PSMG2: variants seen among roughly 807,000 people sequenced by gnomAD.
PSMG2 encodes proteasome assembly chaperone 2.
Under a neutral mutation model 31.5 loss-of-function variants are expected in PSMG2, and 21 were observed. That is an observed-to-expected ratio of 0.67 (90% confidence interval 0.47 to 0.96). PSMG2 has a LOEUF of 0.96. Among genes scored for constraint, PSMG2 ranks in the 40% least tolerant of loss-of-function variants. The probability of loss-of-function intolerance (pLI) is 0.00; values close to 1 mark genes in which losing one functional copy is unlikely to be tolerated. For synonymous variants in PSMG2, 120 were observed against 110.4 expected, an observed-to-expected ratio of 1.09 and a Z score of -0.54; for missense variants, 318 against 321.2, an observed-to-expected ratio of 0.99 and a Z score of 0.08.
intron 2 of PSMG2, among the ~76,000 whole-genome samples, 167 bp from the exon 3 acceptor site, chr18:12,712,535 A>G (rs1350001220): frequency 6.6e-6 from 1 of 152,240 alleles, no homozygotes; most frequent in Non-Finnish European, 1.5e-5. Flanking sequence ...ATTTTAAGGT[A>G]CTTCTAAAAG....
At chr18:12,697,712 A>G (rs2542172) in intron 1 of PSMG2, among the ~76,000 whole-genome samples, 24,665 of 152,154 alleles carry the variant, frequency 0.16, 2,091 homozygotes, top group Admixed American at 0.24. Context: ...TGCTACTACA[A>G]TAAAAAGCCT....
chr18:12,691,563 T>C, intron 1 of PSMG2: 2 of 1,062,446 alleles, frequency 1.9e-6, no homozygotes, highest in Non-Finnish European at 2.7e-6. Flanking sequence ...CAAATTTATC[T>C]ACTTCTCTAC....
intron 3 of PSMG2, among the ~76,000 whole-genome samples, chr18:12,715,085 T>C (rs1019984405): frequency 6.6e-6 from 1 of 152,158 alleles, no homozygotes; most frequent in Admixed American, 6.5e-5. Flanking sequence ...CTCAGCTCAC[T>C]GCAACCTCTG....
At chr18:12,664,197 T>C (rs919010492) in intron 1 of PSMG2, among the ~76,000 whole-genome samples, 9 of 151,762 alleles carry the variant, frequency 5.9e-5, no homozygotes, top group African/African-American at 2.2e-4. Flanking sequence ...ACTTCAGCCT[T>C]CTGAATGGGC....
At chr18:12,669,548 GA>G (rs1176384091) in intron 1 of PSMG2, among the ~76,000 whole-genome samples, 1 of 151,970 alleles carries the variant, frequency 6.6e-6, no homozygotes, top group Non-Finnish European at 1.5e-5. Flanking sequence ...TAACTAAATA[GA>G]CATATATAAA....
upstream of PSMG2, chr18:12,698,714 C>T (rs903763809): frequency 2.4e-5 from 10 of 413,778 alleles, no homozygotes; most frequent in Non-Finnish European, 3.9e-5. Context: ...TAGCATAACA[C>T]TATGCACATA....
chr18:12,720,918 C>T (rs1057276469), intron 5 of PSMG2, among the ~76,000 whole-genome samples: 6 of 152,194 alleles, frequency 3.9e-5, no homozygotes, highest in Non-Finnish European at 7.3e-5. Flanking sequence ...GTAATCCTAG[C>T]GCTTTGGAAG....
chr18:12,669,134 A>G (rs2038876053), intron 1 of PSMG2, among the ~76,000 whole-genome samples: 1 of 125,414 alleles, frequency 8.0e-6, no homozygotes, highest in Admixed American at 9.4e-5. Context: ...TTTTTTTTTG[A>G]GACAGAGTTT....
intron 1 of PSMG2, among the ~76,000 whole-genome samples, chr18:12,690,550 G>T (rs551029065): frequency 2.0e-5 from 3 of 151,804 alleles, no homozygotes; most frequent in Non-Finnish European, 4.4e-5. Flanking sequence ...CCGCCTCCCG[G>T]GTTCACGCCA....
upstream of PSMG2, among the ~76,000 whole-genome samples, chr18:12,701,666 T>G (rs927285737): frequency 6.6e-6 from 1 of 151,814 alleles, no homozygotes; most frequent in African/African-American, 2.4e-5. Context: ...CATCTTGCAC[T>G]CAGTCGAGCG....
Position 12,720,582 on chromosome 18 carries a change from G to C in PSMG2, c.480G>C (p.Trp160Cys). ...SVQNKIKSLNWEEMEKSRCIP... is the reference protein window; with the variant it reads ...SVQNKIKSLNCEEMEKSRCIP... ...AAAATAAAATAAAGAGCCTTAACTG[G>C]GAAGAAATGGAAAAAAGCCGGTGCA... The change falls in exon 5 of 7, where the codon TGG (tryptophan) becomes TGC (cysteine). Residue 160 changes from tryptophan to cysteine, a missense_variant. Coordinates refer to ENST00000317615, the MANE Select transcript of PSMG2 (RefSeq NM_020232.5). 6.2e-7 allele frequency: 1 copy of C among 1,613,588 alleles called. No homozygotes were observed. Among genetic ancestry groups the C allele is most frequent in the Non-Finnish European group, 8.5e-7 (1 of 1,179,730 alleles).
chr18:12,710,357 T>C (rs2040317188), intron 2 of PSMG2, among the ~76,000 whole-genome samples: 1 of 152,196 alleles, frequency 6.6e-6, no homozygotes, highest in Non-Finnish European at 1.5e-5. Context: ...CTTAATGCCT[T>C]ATCCTTCTTA....
At chr18:12,705,568 A>AT (rs2040258045) in intron 1 of PSMG2, among the ~76,000 whole-genome samples, 1 of 126,738 alleles carries the variant, frequency 7.9e-6, no homozygotes, top group Non-Finnish European at 1.7e-5. Context: ...AGAGAGAGAG[A>AT]GAGAGAGAGT....
At chr18:12,724,326 C>A in intron 5 of PSMG2, 173 bp from the exon 6 acceptor site, 1 of 604,678 alleles carries the variant, frequency 1.7e-6, no homozygotes, top group African/African-American at 1.9e-5. Flanking sequence ...GGGGCCTGCT[C>A]TCACAAGTAG....
chr18:12,689,573 C>T lies in PSMG2; in HGVS notation c.-36-16977C>T, dbSNP rs541162361. Reference sequence around the variant, plus strand: ...TAAAATGAATTCTGAGAGAGGAAGTCGTTTAAGTAATATTTCCTAAAAGAA... The same window carrying T: ...TAAAATGAATTCTGAGAGAGGAAGTTGTTTAAGTAATATTTCCTAAAAGAA... On this transcript the variant is annotated intron_variant, in intron 1 of 6. Coordinates refer to the PSMG2 transcript ENST00000585331. 6.2e-5 allele frequency among the ~76,000 whole-genome samples: 9 copies of T among 144,706 alleles called. No homozygotes were observed. The South Asian group carries it at 8.5e-4, about 14-fold the overall frequency. 94.9% of individuals were successfully genotyped at this position (144,706 alleles called of 152,430 possible).
In PSMG2 at chr18:12,703,200, C is replaced by G. The variant is rs779013433; in HGVS notation, c.57+36C>G. On this transcript the variant is annotated intron_variant, in intron 1 of 6. Coordinates refer to ENST00000317615, the MANE Select transcript of PSMG2 (RefSeq NM_020232.5). ...ATTTGCGCTCGGGGCTGCCGCCTCC[C>G]GAGGCCCCTGCGGTGTCGCCACCCC... is the stretch of plus-strand genomic sequence containing the variant. 7 of 1,580,620 alleles carry G rather than the reference C, an allele frequency of 4.4e-6. No homozygotes were observed. The South Asian group carries it at 8.1e-5, about 18-fold the overall frequency.
intron 1 of PSMG2, among the ~76,000 whole-genome samples, chr18:12,664,475 G>A (rs1231676288): frequency 1.3e-5 from 2 of 151,780 alleles, no homozygotes; most frequent in Admixed American, 1.3e-4. Flanking sequence ...GCTTGAACCC[G>A]GGAGGCAGAG....
chr18:12,697,790 G>A (rs996025025), intron 1 of PSMG2, among the ~76,000 whole-genome samples: 1 of 151,944 alleles, frequency 6.6e-6, no homozygotes, highest in Non-Finnish European at 1.5e-5. Context: ...AATTATCACT[G>A]TATAATTGAC....
intron 2 of PSMG2, among the ~76,000 whole-genome samples, chr18:12,712,141 T>C (rs1048504349): frequency 1.2e-4 from 19 of 152,212 alleles, no homozygotes; most frequent in Admixed American, 1.0e-3. Flanking sequence ...ATGAAAGCTA[T>C]GGATCCTTTT....
Sources: allele counts gnomAD v4.1 joint callset (sites outside exome capture counted in the v4.1 genomes callset), GRCh38; gene constraint gnomAD v4.1.1; transcripts MANE v1.5; gene names NCBI Gene and HGNC (gene_info 2026-07-23, HGNC 2026-07-21).